The following TWNK variants were observed in gnomAD, a reference collection of about 807,000 sequenced individuals.
TWNK encodes twinkle mtDNA helicase.
A neutral mutation model predicts 58.2 loss-of-function variants in TWNK; 36 were observed. The observed-to-expected ratio is 0.62, with a 90% CI of 0.47 to 0.82. TWNK has a LOEUF of 0.82. Ranked by LOEUF, TWNK falls within the 40% of genes least tolerant of loss-of-function variation. TWNK has a pLI of 0.00. For missense variants in TWNK, 714 were observed against 881.0 expected, an observed-to-expected ratio of 0.81 and a Z score of 2.40; for synonymous variants, 349 against 348.5, an observed-to-expected ratio of 1.00 and a Z score of -0.02.
intron 4 of TWNK, 68 bp from the exon 5 acceptor site, chr10:100,993,122 A>G: frequency 5.3e-6 from 8 of 1,521,552 alleles, no homozygotes; most frequent in Non-Finnish European, 7.3e-6. Flanking sequence ...CTGCCCTGTC[A>G]GCCCCCCTTT....
rs2133937037 is a variant in TWNK at position 100,988,984 on chromosome 10, T to G, written c.774T>G (p.Ala258=). The part of the protein sequence containing the change: ...FGLPLISRRD[A]EVVLTSRELD... The stretch of plus-strand genomic sequence containing the variant: ...TACCACTGATTAGTCGTCGAGATGC[T>G]GAGGTGGTACTGACGAGTCGTGAGC... Residue 258 remains alanine, a synonymous_variant, in exon 1 of 5, where the codon GCT becomes GCG. Coordinates refer to ENST00000311916, the MANE Select transcript of TWNK (RefSeq NM_021830.5). This position sits in a 1 kb window ranked among gnomAD's most constrained non-coding sequence, Gnocchi z 5.2. 6.2e-7 allele frequency: 1 copy of G among 1,614,168 alleles called. No homozygotes were observed. The highest frequency in any genetic ancestry group is 1.3e-5 in the African/African-American group (1 of 75,040).
At chr10:100,992,887 A>G (rs956288358) in intron 4 of TWNK, among the ~76,000 whole-genome samples, 6 of 152,074 alleles carry the variant, frequency 3.9e-5, no homozygotes, top group Admixed American at 3.3e-4. Flanking sequence ...CCCGGATTCA[A>G]GCGATTCTCC....
At position 100,988,419 on chromosome 10, in the gene TWNK, C is replaced by T. The variant is rs1191234637; in HGVS notation, c.209C>T (p.Pro70Leu). Residue 70 changes from proline to leucine, a missense_variant, in exon 1 of 5, where the codon CCC (proline) becomes CTC (leucine). Around this residue, in one of 3 missense-constraint regions of TWNK, gnomAD observed 348 missense variants for 388.4 expected, o/e 0.90. Coordinates refer to ENST00000311916, the MANE Select transcript of TWNK (RefSeq NM_021830.5). The surrounding 1 kb of genome is among the most constrained non-coding windows in gnomAD (Gnocchi z 5.2). ...CAGTATTTGCGGGGGCATGGGATCC[C>T]CTTCCAGGATGGTCACAGTTGCCTG... The part of the protein sequence containing the change: ...IRQYLRGHGI[P>L]FQDGHSCLRA... The T allele has an allele frequency of 4.3e-6, 7 of 1,614,126 alleles. No individual in the cohort carries two copies. Among genetic ancestry groups the T allele is most frequent in the Non-Finnish European group, 5.9e-6 (7 of 1,180,052 alleles).
At position 100,990,457 on chromosome 10, in the gene TWNK, A is replaced by G; in HGVS notation, c.1506A>G (p.Gln502=). The G allele has an allele frequency of 6.2e-6, 10 of 1,614,012 alleles. No individual in the cohort carries two copies. The highest frequency in any genetic ancestry group is 2.2e-5 in the East Asian group (1 of 44,886). ...CCAGGACTGTAATAGATACAATGCA[A>G]CATGCAGTCTACGTCTATGACATTT... The part of the protein sequence containing the change: ...QSIRTVIDTM[Q]HAVYVYDICH... The change falls in exon 3 of 5, where the codon CAA becomes CAG. Residue 502 remains glutamine (Q), a synonymous_variant. Transcript: ENST00000311916.
In TWNK at chr10:100,993,190, G is replaced by A. The variant is rs1393601326; in HGVS notation, c.1735G>A (p.Ala579Thr). 1.2e-6 allele frequency: 2 copies of A among 1,614,106 alleles called. No individual in the cohort carries two copies. The highest frequency in any genetic ancestry group is 1.1e-5 in the South Asian group (1 of 91,088). The change falls in exon 5 of 5, where the codon GCA (alanine) becomes ACA (threonine). Residue 579 changes from alanine (A) to threonine (T), a missense_variant and splice_region_variant. Ala to Thr is a moderately conservative substitution (Grantham distance 58). This residue lies in a region of TWNK where 302 missense variants were observed against 438.6 expected (regional missense o/e 0.69). Coordinates refer to ENST00000311916, the MANE Select transcript of TWNK (RefSeq NM_021830.5). Reference protein sequence around the residue: ...QTASIFGSAKASQEADNVLIL... With the variant: ...QTASIFGSAKTSQEADNVLIL... ...CCTCCTTCTGCCCCCTGTTCCCCAGGCAAGCCAGGAAGCAGACAATGTTCT... is the reference window on the plus strand; with the variant it reads ...CCTCCTTCTGCCCCCTGTTCCCCAGACAAGCCAGGAAGCAGACAATGTTCT...
chr10:100,992,205 C>CTTTT lies in TWNK; in HGVS notation c.1735-962_1735-959dup, dbSNP rs750231609. On this transcript the variant is annotated intron_variant, in intron 4 of 4. Transcript: ENST00000311916. Reference sequence around the variant, plus strand: ...CCTGGGCAGCAGAGTGAGACCCTATCTTTTTTTTTTTTTTTTTTTTTTTTT... The same window carrying CTTTT: ...CCTGGGCAGCAGAGTGAGACCCTATCTTTTTTTTTTTTTTTTTTTTTTTTTTTTT... 1.4e-4 allele frequency among the ~76,000 whole-genome samples: 11 copies of CTTTT among 79,010 alleles called. 1 individual carries two copies. Among genetic ancestry groups the CTTTT allele is most frequent in the East Asian group, 5.0e-4 (1 of 2,006 alleles). The allele number at this position is 79,010 out of a possible 152,430, so 51.8% of individuals were successfully genotyped here. A position where few individuals can be genotyped will look rare whatever the true frequency, so the allele number is the denominator to read the frequency against.
In TWNK at chr10:100,987,588, CCGG is replaced by C. The variant is rs1326380194; in HGVS notation, c.-620_-618del. 1 of 1,254,898 alleles carries C rather than the reference CCGG, an allele frequency of 8.0e-7. No individual in the cohort carries two copies. Among genetic ancestry groups the C allele is most frequent in the East Asian group, 2.5e-5 (1 of 39,470 alleles). The allele number at this position is 1,254,898 out of a possible 1,614,324, so 77.7% of individuals were successfully genotyped here. On this transcript the variant is annotated 5_prime_UTR_variant, in exon 1 of 5. Transcript: ENST00000311916. ...TAGCATGTGCGGGAGACTCACGTTGCCGGCGAAGTGGGAGAGAGAAAAGTGGTA... is the reference window on the plus strand; with the variant it reads ...TAGCATGTGCGGGAGACTCACGTTGCCGAAGTGGGAGAGAGAAAAGTGGTA...
chr10:100,989,685 G>T lies in TWNK; in HGVS notation c.1285G>T (p.Ala429Ser). The T allele has an allele frequency of 6.2e-7, 1 of 1,614,194 alleles. No individual in the cohort carries two copies. Among genetic ancestry groups the T allele is most frequent in the Non-Finnish European group, 8.5e-7 (1 of 1,180,034 alleles). ...AAAGACGACATTCATCAGTGAGTAT[G>T]CCCTGGATTTGTGTTCCCAGGGGGT... ...SGKTTFISEY[A>S]LDLCSQGVNT... Residue 429 changes from alanine to serine, a missense_variant, in exon 2 of 5, where the codon GCC (alanine) becomes TCC (serine). Coordinates refer to ENST00000311916, the MANE Select transcript of TWNK (RefSeq NM_021830.5). The surrounding 1 kb of genome is among the most constrained non-coding windows in gnomAD (Gnocchi z 7.6).
rs1564809848 is a variant in TWNK, at chr10:100,990,548, CG to C, written c.1592+7del. The C allele has an allele frequency of 1.2e-6, 2 of 1,613,980 alleles. No individual in the cohort carries two copies. The highest frequency in any genetic ancestry group is 2.2e-5 in the South Asian group (2 of 91,062). ...CGAGCAGCTGTCCACAGACAGGTGACGGTGACATCCTCTCTTGTCTAGCTTG... is the reference window on the plus strand; with the variant it reads ...CGAGCAGCTGTCCACAGACAGGTGACGTGACATCCTCTCTTGTCTAGCTTG... On this transcript the variant is annotated splice_donor_region_variant and intron_variant, in intron 3 of 4. Coordinates refer to ENST00000311916, the MANE Select transcript of TWNK (RefSeq NM_021830.5).
At position 100,993,738 on chromosome 10, in the gene TWNK, G is replaced by A; in HGVS notation, c.*228G>A. ...GGTCCTGTATATACAGCACTGAAAA[G>A]AGAGATAAAGTCCCTGCCTGCATGC... On this transcript the variant is annotated 3_prime_UTR_variant, in exon 5 of 5. Transcript: ENST00000311916. 3.5e-6 allele frequency: 2 copies of A among 571,934 alleles called. No homozygotes were observed. The highest frequency in any genetic ancestry group is 2.2e-5 in the South Asian group (1 of 44,798). 35.4% of individuals were successfully genotyped at this position (571,934 alleles called of 1,614,324 possible). A position where few individuals can be genotyped will look rare whatever the true frequency, so the allele number is the denominator to read the frequency against.
chr10:100,991,520 G>C (rs1355669065), intron 4 of TWNK, among the ~76,000 whole-genome samples: 1 of 152,186 alleles, frequency 6.6e-6, no homozygotes, highest in African/African-American at 2.4e-5. Context: ...AGGGAATTCA[G>C]AGCAAGGAGC....
In TWNK at chr10:100,993,866, G is replaced by A. The variant is rs1851853037; in HGVS notation, c.*356G>A. 3.2e-6 allele frequency: 1 copy of A among 312,916 alleles called. No homozygotes were observed. Among genetic ancestry groups the A allele is most frequent in the Non-Finnish European group, 6.1e-6 (1 of 163,548 alleles). The allele number at this position is 312,916 out of a possible 1,614,324, so 19.4% of individuals were successfully genotyped here. A position where few individuals can be genotyped will look rare whatever the true frequency, so the allele number is the denominator to read the frequency against. ...ATAGAAATGCGATAGAGTGCTGGCAGGCTAGTGTAGATAAGTGGTCTGAAA... is the reference window on the plus strand; with the variant it reads ...ATAGAAATGCGATAGAGTGCTGGCAAGCTAGTGTAGATAAGTGGTCTGAAA... On this transcript the variant is annotated 3_prime_UTR_variant, in exon 5 of 5. Transcript: ENST00000311916.
chr10:100,991,090 A>G, intron 4 of TWNK, 80 bp downstream of exon 4: 1 of 1,601,070 alleles, frequency 6.2e-7, no homozygotes, highest in Non-Finnish European at 8.5e-7. Flanking sequence ...ATTCAGCCTT[A>G]ATCGTCTTGA....
chr10:100,990,532 G>A lies in TWNK; in HGVS notation c.1581G>A (p.Leu527=), dbSNP rs1851740761. Residue 527 remains leucine, a synonymous_variant, in exon 3 of 5, where the codon CTG becomes CTA. Coordinates refer to ENST00000311916, the MANE Select transcript of TWNK (RefSeq NM_021830.5). The part of the protein sequence containing the change: ...NLQFMMGHEQ[L]STDRIAAQDY... ...AGTTCATGATGGGTCACGAGCAGCT[G>A]TCCACAGACAGGTGACGGTGACATC... 7 of 1,614,190 alleles carry A rather than the reference G, an allele frequency of 4.3e-6. No individual in the cohort carries two copies. The highest frequency in any genetic ancestry group is 1.7e-5 in the Admixed American group (1 of 60,032).
intron 4 of TWNK, among the ~76,000 whole-genome samples, chr10:100,992,512 GCTGAGACCCT>G (rs1851809215): frequency 7.6e-6 from 1 of 132,302 alleles, no homozygotes; most frequent in Non-Finnish European, 1.6e-5. Flanking sequence ...ACCGTGCCCA[GCTGAGACCCT>G]GTCTTTAAAA....
rs1208712738 is a variant in TWNK, at chr10:100,994,292, C to T, written c.*782C>T. On this transcript the variant is annotated 3_prime_UTR_variant, in exon 5 of 5. Coordinates refer to ENST00000311916, the MANE Select transcript of TWNK (RefSeq NM_021830.5). ...GAGCCATAGAAGGAAGCTGTCAGCC[C>T]GGAGTGCCTGCCACCTAGACACTGA... The T allele has an allele frequency of 1.3e-5, 2 of 152,262 alleles. No homozygotes were observed. Among genetic ancestry groups the T allele is most frequent in the Non-Finnish European group, 2.9e-5 (2 of 68,068 alleles). 9.4% of individuals were successfully genotyped at this position (152,262 alleles called of 1,614,324 possible).
In TWNK at chr10:100,988,029, G is replaced by C; in HGVS notation, c.-182G>C. On this transcript the variant is annotated 5_prime_UTR_variant, in exon 1 of 5. Transcript: ENST00000311916. The surrounding 1 kb of genome is among the most constrained non-coding windows in gnomAD (Gnocchi z 5.2). ...GGACGCGAAAGGGTCGTGTAGATGGGCATATGTGTGAAGCAGCAACGTAGA... is the reference window on the plus strand; with the variant it reads ...GGACGCGAAAGGGTCGTGTAGATGGCCATATGTGTGAAGCAGCAACGTAGA... 1 of 719,158 alleles carries C rather than the reference G, an allele frequency of 1.4e-6. No individual in the cohort carries two copies. The highest frequency in any genetic ancestry group is 1.6e-5 in the South Asian group (1 of 63,814). The allele number at this position is 719,158 out of a possible 1,614,324, so 44.5% of individuals were successfully genotyped here. A position where few individuals can be genotyped will look rare whatever the true frequency, so the allele number is the denominator to read the frequency against.
Position 100,988,563 on chromosome 10 carries a change from C to T in TWNK, c.353C>T (p.Ala118Val), listed in dbSNP as rs752699549. 6.2e-7 allele frequency: 1 copy of T among 1,614,044 alleles called. No individual in the cohort carries two copies. Among genetic ancestry groups the T allele is most frequent in the Admixed American group, 1.7e-5 (1 of 60,026 alleles). ...CACTTTCTCTGCATGACCAGCCTAG[C>T]AGAAGGGAGCTGGGAAGACTTCCAG... ...TGHFLCMTSL[A>V]EGSWEDFQAS... The change falls in exon 1 of 5, where the codon GCA (alanine) becomes GTA (valine). Residue 118 changes from alanine to valine, a missense_variant. This residue lies in a region of TWNK where 348 missense variants were observed against 388.4 expected (regional missense o/e 0.90). Transcript: ENST00000311916. This position sits in a 1 kb window ranked among gnomAD's most constrained non-coding sequence, Gnocchi z 5.2.
intron 4 of TWNK, among the ~76,000 whole-genome samples, chr10:100,992,528 TAAAAAAAA>T (rs1209775610): frequency 3.3e-5 from 3 of 91,122 alleles, no homozygotes; most frequent in African/African-American, 7.8e-5. Flanking sequence ...ACCCTGTCTT[TAAAAAAAA>T]AAAAAAAAAA....
Sources: allele counts gnomAD v4.1 joint callset (sites outside exome capture counted in the v4.1 genomes callset), GRCh38; gene constraint gnomAD v4.1.1; regional missense constraint gnomAD v4.1.1; non-coding constraint Gnocchi (gnomAD v3.1); transcripts MANE v1.5; gene names NCBI Gene and HGNC (gene_info 2026-07-23, HGNC 2026-07-21).